The following MCM8 variants were observed in gnomAD, a reference collection of about 807,000 sequenced individuals.
The protein encoded by MCM8 is minichromosome maintenance 8 homologous recombination repair factor, also known as DNA helicase MCM8.
MCM8 carries 85 observed loss-of-function variants against 98.9 expected under a neutral mutation model. That is an observed-to-expected ratio of 0.86 (90% confidence interval 0.72 to 1.03). The LOEUF (loss-of-function observed/expected upper bound fraction) is 1.03. Among genes scored for constraint, MCM8 ranks in the 50% least tolerant of loss-of-function variants. MCM8 has a pLI of 0.00. For missense variants in MCM8, 951 were observed against 997.8 expected, an observed-to-expected ratio of 0.95 and a Z score of 0.63; for synonymous variants, 352 against 338.6, an observed-to-expected ratio of 1.04 and a Z score of -0.44.
rs769741745 is a variant in MCM8 at position 5,983,119 on chromosome 20, G to C, written c.1687G>C (p.Val563Leu). 3 of 1,613,906 alleles carry C rather than the reference G, an allele frequency of 1.9e-6. No homozygotes were observed. The East Asian group carries it at 6.7e-5, about 36-fold the overall frequency. Reference protein sequence around the residue: ...RTSIIAAANPVGGHYNKAKTV... With the variant: ...RTSIIAAANPLGGHYNKAKTV... ...TTCCATTATTGCTGCTGCAAATCCA[G>C]TTGGAGGACATTACAATAAAGCCAA... The change falls in exon 14 of 19, where the codon GTT becomes CTT. Residue 563 changes from valine (V) to leucine (L), a missense_variant. Transcript: ENST00000610722.
chr20:5,953,762 C>A (rs942878275), intron 3 of MCM8, among the ~76,000 whole-genome samples: 2 of 147,394 alleles, frequency 1.4e-5, no homozygotes, highest in Non-Finnish European at 1.5e-5. Context: ...CGTGAGCCAC[C>A]GCACCCAGCC....
intron 11 of MCM8, chr20:5,972,710 A>G: frequency 7.7e-7 from 1 of 1,295,926 alleles, no homozygotes. Context: ...ATGCGCCACC[A>G]GACCCAGCTA....
At chr20:5,992,801 T>G (rs1222277183) in intron 17 of MCM8, among the ~76,000 whole-genome samples, 1 of 152,194 alleles carries the variant, frequency 6.6e-6, no homozygotes, top group Non-Finnish European at 1.5e-5. Flanking sequence ...ATTAATTAAT[T>G]CCTGATTAAA....
At chr20:5,952,295 T>C in intron 2 of MCM8, 129 bp from the exon 3 acceptor site, 1 of 1,556,490 alleles carries the variant, frequency 6.4e-7, no homozygotes. Context: ...ATTTGAACAT[T>C]GATGTCCCAG....
intron 8 of MCM8, among the ~76,000 whole-genome samples, chr20:5,966,918 C>T (rs1600262966): frequency 6.6e-6 from 1 of 152,280 alleles, no homozygotes; most frequent in East Asian, 1.9e-4. Flanking sequence ...TGTCCACTCA[C>T]CTTCTCCAAA....
In MCM8 at chr20:5,968,417, C is replaced by T. The variant is rs553870463; in HGVS notation, c.1223+392C>T. On this transcript the variant is annotated intron_variant, in intron 10 of 18. Transcript: ENST00000610722. The stretch of plus-strand genomic sequence containing the variant: ...AAAATTGGCCGGGCTTGGTGGCGGG[C>T]GCCTGTAATCCTAGCTACTCGGGAG... Among the ~76,000 whole-genome samples the T allele has an allele frequency of 1.8e-3, 269 of 152,160 alleles. 1 individual carries two copies. Among genetic ancestry groups the T allele is most frequent in the Non-Finnish European group, 3.1e-3 (210 of 68,004 alleles).
At chr20:5,951,988 C>A in intron 1 of MCM8, 23 bp from the exon 2 acceptor site, 1 of 1,591,250 alleles carries the variant, frequency 6.3e-7, no homozygotes, top group South Asian at 1.1e-5. Context: ...TTGGTGAAGA[C>A]CTTTTTAATA....
At position 5,967,978 on chromosome 20, in the gene MCM8, C is replaced by T. The variant is rs1314717861; in HGVS notation, c.1176C>T (p.Ala392=). 3 of 1,612,834 alleles carry T rather than the reference C, an allele frequency of 1.9e-6. No individual in the cohort carries two copies. Among genetic ancestry groups the T allele is most frequent in the Admixed American group, 3.3e-5 (2 of 59,802 alleles). The stretch of plus-strand genomic sequence containing the variant: ...AGTTCTCACTTAAAGACCTTTATGC[C>T]ATCCAAGAGATTCAAGCTGAAGAAA... The part of the protein sequence containing the change: ...LMEFSLKDLY[A]IQEIQAEENL... Residue 392 remains alanine, a synonymous_variant, in exon 10 of 19, where the codon GCC becomes GCT. Coordinates refer to ENST00000610722, the MANE Select transcript of MCM8 (RefSeq NM_032485.6).
chr20:5,986,261 G>A (rs2089733061), intron 16 of MCM8, 130 bp downstream of exon 16: 1 of 771,778 alleles, frequency 1.3e-6, no homozygotes, highest in East Asian at 2.7e-5. Flanking sequence ...AGAAATGGAT[G>A]GATGAAAGTT....
chr20:5,975,238 A>G (rs1386128817), intron 12 of MCM8, among the ~76,000 whole-genome samples: 1 of 152,004 alleles, frequency 6.6e-6, no homozygotes, highest in African/African-American at 2.4e-5. Flanking sequence ...CAGCCTGGGC[A>G]ATAGAGCAAG....
chr20:5,957,055 A>C (rs368612206), intron 5 of MCM8, 71 bp from the exon 6 acceptor site: 18 of 921,920 alleles, frequency 2.0e-5, no homozygotes, highest in Non-Finnish European at 2.9e-5. Flanking sequence ...TATATTCTCT[A>C]TAAAAATAGA....
At position 5,984,802 on chromosome 20, in the gene MCM8, C is replaced by T. The variant is rs958808225; in HGVS notation, c.1755C>T (p.Ser585=). 3 of 1,613,428 alleles carry T rather than the reference C, an allele frequency of 1.9e-6. No homozygotes were observed. The highest frequency in any genetic ancestry group is 1.7e-6 in the Non-Finnish European group (2 of 1,179,466). The change falls in exon 15 of 19, where the codon TCC becomes TCT. Residue 585 remains serine, a synonymous_variant. Transcript: ENST00000610722. ...ENLKMGSALL[S]RFDLVFILLD... is the part of the protein sequence containing the mutation. ...ATAGAATGGGGAGTGCACTACTATC[C>T]AGATTTGATTTGGTCTTTATCCTGT...
intron 8 of MCM8, among the ~76,000 whole-genome samples, chr20:5,966,691 A>G (rs541922817): frequency 3.5e-4 from 54 of 152,336 alleles, no homozygotes; most frequent in African/African-American, 1.3e-3. Context: ...CTCTAAATAC[A>G]AAGATAGGGG....
intron 15 of MCM8, 143 bp from the exon 16 acceptor site, chr20:5,985,779 C>T: frequency 1.4e-6 from 1 of 714,548 alleles, no homozygotes; most frequent in South Asian, 1.8e-5. Context: ...CTCCTGACCT[C>T]AGGTGATGTG....
At chr20:5,962,309 C>T (rs2326680) in intron 7 of MCM8, among the ~76,000 whole-genome samples, 1 of 149,220 alleles carries the variant, frequency 6.7e-6, no homozygotes, top group Non-Finnish European at 1.5e-5. Context: ...AAAGTGAGTC[C>T]CAGGCCTTCT....
In MCM8 at chr20:5,994,478, G is replaced by GACAGACACAC. The variant is rs1555791183; in HGVS notation, c.*90_*91insGACACACACA. 12 of 384,364 alleles carry GACAGACACAC rather than the reference G, an allele frequency of 3.1e-5. No individual in the cohort carries two copies. Among genetic ancestry groups the GACAGACACAC allele is most frequent in the African/African-American group, 2.3e-4 (10 of 43,166 alleles). 23.8% of individuals were successfully genotyped at this position (384,364 alleles called of 1,614,324 possible). A position where few individuals can be genotyped will look rare whatever the true frequency, so the allele number is the denominator to read the frequency against. On this transcript the variant is annotated 3_prime_UTR_variant, in exon 19 of 19. Coordinates refer to ENST00000610722, the MANE Select transcript of MCM8 (RefSeq NM_032485.6). Reference sequence around the variant, plus strand: ...ATATGCGTGCACGCACAGACAGACAGACACACACACACACACACACACACA... The same window carrying GACAGACACAC: ...ATATGCGTGCACGCACAGACAGACAGACAGACACACACACACACACACACACACACACACA...
In MCM8 at chr20:5,993,903, CT is replaced by C. The variant is rs1159069723; in HGVS notation, c.2430+212del. 9.0e-6 allele frequency: 4 copies of C among 443,332 alleles called. No homozygotes were observed. In the Admixed American group the frequency reaches 1.5e-4, roughly 17 times the overall value. The allele number at this position is 443,332 out of a possible 1,614,324, so 27.5% of individuals were successfully genotyped here. ...TCTTGTGGATATGTCATTTTAACATCTTTTAACGTTGCATCCCTCATCTGTT... is the reference window on the plus strand; with the variant it reads ...TCTTGTGGATATGTCATTTTAACATCTTTAACGTTGCATCCCTCATCTGTT... On this transcript the variant is annotated intron_variant, in intron 18 of 18. Coordinates refer to ENST00000610722, the MANE Select transcript of MCM8 (RefSeq NM_032485.6).
chr20:5,982,400 G>A (rs1009710972), intron 13 of MCM8, among the ~76,000 whole-genome samples: 23 of 152,068 alleles, frequency 1.5e-4, no homozygotes, highest in African/African-American at 5.3e-4. Context: ...GCATTACGAG[G>A]TAATGTTAGA....
chr20:5,958,810 A>AAC (rs1386492080), intron 7 of MCM8, 84 bp downstream of exon 7: 1 of 1,197,350 alleles, frequency 8.4e-7, no homozygotes, highest in Non-Finnish European at 1.2e-6. Context: ...AGTGTTTCTG[A>AAC]ACACAGAGCT....
Sources: allele counts gnomAD v4.1 joint callset (sites outside exome capture counted in the v4.1 genomes callset), GRCh38; gene constraint gnomAD v4.1.1; transcripts MANE v1.5; gene names NCBI Gene and HGNC (gene_info 2026-07-23, HGNC 2026-07-21).